DSCAM: variants seen among roughly 807,000 people sequenced by gnomAD.
DSCAM encodes cell adhesion molecule DSCAM.
DSCAM carries 47 observed loss-of-function variants against 217.7 expected under a neutral mutation model. The ratio of observed to expected loss-of-function variants is 0.22; its 90% confidence interval spans 0.17 to 0.28. The LOEUF (loss-of-function observed/expected upper bound fraction) is 0.28, where lower values mean the gene tolerates loss of function less well. Ranked by LOEUF, DSCAM falls within the 10% of genes least tolerant of loss-of-function variation. The pLI is 1.00. For synonymous variants in DSCAM, 1,056 were observed against 1,015.3 expected (o/e 1.04, Z -0.76); for missense variants, 2,080 against 2,618.3 (o/e 0.79, Z 4.49).
chr21:40,061,403 T>C (rs2089117486), intron 28 of DSCAM, among the ~76,000 whole-genome samples: 2 of 151,884 alleles, frequency 1.3e-5, no homozygotes, highest in African/African-American at 2.4e-5. Context: ...ACTCTGTCTC[T>C]ACTAAAAATA....
chr21:40,326,866 C>T (rs958010799), intron 8 of DSCAM, among the ~76,000 whole-genome samples: 15 of 151,240 alleles, frequency 9.9e-5, no homozygotes, highest in African/African-American at 3.6e-4. Context: ...TTGTATCATG[C>T]ATCTATATAT....
chr21:40,186,177 C>T (rs931686589), intron 14 of DSCAM, among the ~76,000 whole-genome samples: 1 of 152,236 alleles, frequency 6.6e-6, no homozygotes, highest in Non-Finnish European at 1.5e-5. Flanking sequence ...TTTCCTGGCT[C>T]TGTTCCTGGC....
At chr21:40,815,425 G>A (rs2091872416) in intron 1 of DSCAM, among the ~76,000 whole-genome samples, 1 of 152,164 alleles carries the variant, frequency 6.6e-6, no homozygotes, top group African/African-American at 2.4e-5. Flanking sequence ...ATAAGCAAAT[G>A]TAGGTCCCTT....
chr21:40,097,954 A>AAAG (rs2089698628), intron 20 of DSCAM, among the ~76,000 whole-genome samples: 3 of 51,518 alleles, frequency 5.8e-5, no homozygotes, highest in Non-Finnish European at 7.1e-5. Context: ...AAAAAAAAAA[A>AAAG]AAAGAAAGAA....
At chr21:40,487,345 G>GAA (rs2076039360) in intron 3 of DSCAM, among the ~76,000 whole-genome samples, 1 of 148,956 alleles carries the variant, frequency 6.7e-6, no homozygotes, top group Non-Finnish European at 1.5e-5. Context: ...GAGAGAGAGA[G>GAA]AGAGAGAGAG....
At chr21:40,597,980 G>C (rs919237523) in intron 3 of DSCAM, among the ~76,000 whole-genome samples, 2 of 152,164 alleles carry the variant, frequency 1.3e-5, no homozygotes, top group Admixed American at 6.5e-5. Context: ...ACATTAAGCT[G>C]TACTCTGTGT....
At chr21:40,071,894 A>T (rs1302099718) in intron 27 of DSCAM, among the ~76,000 whole-genome samples, 6 of 152,226 alleles carry the variant, frequency 3.9e-5, no homozygotes, top group Non-Finnish European at 8.8e-5. Flanking sequence ...GTGAGTTGAA[A>T]ATACTTTGTA....
chr21:40,123,476 G>C (rs1318526885), intron 20 of DSCAM, among the ~76,000 whole-genome samples: 1 of 151,984 alleles, frequency 6.6e-6, no homozygotes, highest in Non-Finnish European at 1.5e-5. Context: ...AATTTTGGTG[G>C]GTCATTTTAA....
At chr21:40,257,622 A>AT (rs1046480240) in intron 11 of DSCAM, among the ~76,000 whole-genome samples, 1 of 152,098 alleles carries the variant, frequency 6.6e-6, no homozygotes, top group Non-Finnish European at 1.5e-5. Flanking sequence ...GAATGGATTC[A>AT]TTTAGCATTA....
chr21:40,402,976 C>A (rs1233146971), intron 3 of DSCAM, among the ~76,000 whole-genome samples: 1 of 151,564 alleles, frequency 6.6e-6, no homozygotes, highest in Non-Finnish European at 1.5e-5. Context: ...TATACCCCCC[C>A]ACCCCATAAT....
intron 9 of DSCAM, among the ~76,000 whole-genome samples, chr21:40,304,720 G>C (rs2074053280): frequency 6.6e-6 from 1 of 152,188 alleles, no homozygotes; most frequent in Non-Finnish European, 1.5e-5. Context: ...TTAGGAAGTA[G>C]GGAAGCTGAG....
At chr21:40,067,861 T>C (rs1179724025) in intron 27 of DSCAM, among the ~76,000 whole-genome samples, 1 of 151,498 alleles carries the variant, frequency 6.6e-6, no homozygotes, top group Non-Finnish European at 1.5e-5. Flanking sequence ...GCAAAGCAGA[T>C]GCTGAGCAGC....
intron 3 of DSCAM, among the ~76,000 whole-genome samples, chr21:40,421,065 A>T (rs1037233803): frequency 2.6e-5 from 4 of 152,208 alleles, no homozygotes; most frequent in Admixed American, 6.5e-5. Flanking sequence ...CATAGTCTTA[A>T]AAGTGTCACC....
intron 3 of DSCAM, among the ~76,000 whole-genome samples, chr21:40,587,066 T>A (rs1364797567): frequency 6.7e-6 from 1 of 149,180 alleles, no homozygotes; most frequent in African/African-American, 2.4e-5. Context: ...TTATTATACT[T>A]AAAATAATCT....
chr21:40,529,126 G>A (rs552034400), intron 3 of DSCAM, among the ~76,000 whole-genome samples: 39 of 151,860 alleles, frequency 2.6e-4, no homozygotes, highest in African/African-American at 3.6e-4. Context: ...GGATGGTCTC[G>A]ATCTCCTGAC....
chr21:40,355,523 A>G (rs150626883), intron 4 of DSCAM, among the ~76,000 whole-genome samples: 1 of 152,338 alleles, frequency 6.6e-6, no homozygotes, highest in African/African-American at 2.4e-5. Flanking sequence ...TTGCATGACT[A>G]TGAAGAATAT....
chr21:40,500,712 A>C (rs1386020552), intron 3 of DSCAM, among the ~76,000 whole-genome samples: 1 of 152,204 alleles, frequency 6.6e-6, no homozygotes, highest in African/African-American at 2.4e-5. Flanking sequence ...TTCCCTAGGC[A>C]TGGAGGGTTA....
intron 8 of DSCAM, among the ~76,000 whole-genome samples, chr21:40,326,369 G>C (rs2074317102): frequency 6.6e-6 from 1 of 152,172 alleles, no homozygotes; most frequent in Admixed American, 6.5e-5. Flanking sequence ...TTATTCATTA[G>C]AAAATGCCCA....
At chr21:40,360,115 T>G (rs11909511) in intron 4 of DSCAM, among the ~76,000 whole-genome samples, 1 of 137,632 alleles carries the variant, frequency 7.3e-6, no homozygotes. Context: ...TGGTACTTCA[T>G]AGGTAGTCTT....
Sources: gnomAD v4.1 joint callset for allele counts (sites outside exome capture counted in the v4.1 genomes callset) on GRCh38, gnomAD v4.1.1 for gene constraint, MANE v1.5 for transcripts, NCBI Gene and HGNC (gene_info 2026-07-23, HGNC 2026-07-21) for gene names.